The following LINGO2 variants were observed in gnomAD, a reference collection of about 807,000 sequenced individuals.
LINGO2 encodes leucine-rich repeat and immunoglobulin-like domain-containing nogo receptor-interacting protein 2.
Under a neutral mutation model 30.6 loss-of-function variants are expected in LINGO2, and 14 were observed. The ratio of observed to expected loss-of-function variants is 0.46; its 90% CI spans 0.30 to 0.72. The LOEUF (loss-of-function observed/expected upper bound fraction) is 0.72, where lower values mean the gene tolerates loss of function less well. Ranked by LOEUF, LINGO2 falls within the 30% of genes least tolerant of loss-of-function variation. LINGO2 has a pLI of 0.07. For synonymous variants in LINGO2, 317 were observed against 288.5 expected, an observed-to-expected ratio of 1.10 and a Z score of -1.00; for missense variants, 729 against 751.7, an observed-to-expected ratio of 0.97 and a Z score of 0.35.
intron 1 of LINGO2, among the ~76,000 whole-genome samples, chr9:28,631,164 TA>T (rs1341622778): frequency 6.6e-5 from 10 of 152,086 alleles, no homozygotes; most frequent in Admixed American, 2.0e-4. Context: ...TTTATTTATT[TA>T]TTTTTTTATT....
intron 4 of LINGO2, among the ~76,000 whole-genome samples, chr9:28,101,977 T>C (rs1400070087): frequency 1.3e-5 from 2 of 152,132 alleles, no homozygotes; most frequent in African/African-American, 4.8e-5. Context: ...TGCCATAGAC[T>C]GGTGTGACAA....
At chr9:28,756,664 T>C in the LINGO2 span, among the ~76,000 whole-genome samples, 2 of 152,046 alleles carry the variant, frequency 1.3e-5, no homozygotes, top group South Asian at 4.1e-4. Flanking sequence ...ATAGGGTTGG[T>C]TTCCCCCATG....
At chr9:29,182,356 T>C in the LINGO2 span, among the ~76,000 whole-genome samples, 1 of 151,976 alleles carries the variant, frequency 6.6e-6, no homozygotes, top group Admixed American at 6.6e-5. Context: ...AAGTGTTAGG[T>C]ATGGTAAGAT....
intron 2 of LINGO2, among the ~76,000 whole-genome samples, chr9:28,433,966 T>TATATATACAC (rs752778212): frequency 1.2e-3 from 116 of 99,958 alleles, no homozygotes; most frequent in Non-Finnish European, 2.2e-3. Context: ...TATATATATA[T>TATATATACAC]ACACACACAC....
chr9:28,530,059 G>T (rs968116348), intron 1 of LINGO2, among the ~76,000 whole-genome samples: 24 of 151,868 alleles, frequency 1.6e-4, no homozygotes, highest in African/African-American at 4.1e-4. Context: ...TGAGCTTTTT[G>T]GGGGGAGTGA....
At chr9:28,326,885 T>C (rs1237986098) in intron 3 of LINGO2, among the ~76,000 whole-genome samples, 1 of 152,120 alleles carries the variant, frequency 6.6e-6, no homozygotes, top group Non-Finnish European at 1.5e-5. Flanking sequence ...ATACCATTAC[T>C]GAGAAAAGCA....
In LINGO2 at chr9:28,207,613, T is replaced by A. The variant is rs967143540; in HGVS notation, c.-87+87595A>T. Among the ~76,000 whole-genome samples the A allele has an allele frequency of 3.3e-5, 5 of 152,224 alleles. No homozygotes were observed. The South Asian group carries it at 1.0e-3, about 32-fold the overall frequency. The stretch of plus-strand genomic sequence containing the variant: ...ATGTTCCCCTCCATTCTAAATAATC[T>A]TTCTCTTTCTTCATCCTCACCCTGA... On this transcript the variant is annotated intron_variant, in intron 4 of 5. Coordinates refer to ENST00000379992, the Ensembl canonical transcript of LINGO2.
At chr9:28,853,274 T>A in the LINGO2 span, among the ~76,000 whole-genome samples, 1 of 152,048 alleles carries the variant, frequency 6.6e-6, no homozygotes, top group Admixed American at 6.6e-5. Context: ...TTATTAGTCA[T>A]GCACATATGC....
the LINGO2 span, among the ~76,000 whole-genome samples, chr9:28,710,409 T>C: frequency 1.3e-5 from 2 of 152,106 alleles, no homozygotes; most frequent in Admixed American, 1.3e-4. Context: ...TGACATCTTA[T>C]AATTGAGGTT....
intron 5 of LINGO2, among the ~76,000 whole-genome samples, chr9:28,010,218 A>T (rs1006510873): frequency 1.5e-4 from 23 of 152,248 alleles, no homozygotes; most frequent in African/African-American, 5.5e-4. Context: ...AAAACCACTG[A>T]ATTGTATACC....
At chr9:29,055,949 C>CACATATATGTAT in the LINGO2 span, among the ~76,000 whole-genome samples, 1 of 123,140 alleles carries the variant, frequency 8.1e-6, no homozygotes, top group African/African-American at 3.1e-5. Context: ...TGTATATATA[C>CACATATATGTAT]ATATATATGT....
chr9:29,028,856 A>T, the LINGO2 span, among the ~76,000 whole-genome samples: 7 of 152,188 alleles, frequency 4.6e-5, no homozygotes, highest in African/African-American at 7.2e-5. Context: ...GCCAGCTCAG[A>T]TTAGCCAAGC....
intron 2 of LINGO2, among the ~76,000 whole-genome samples, chr9:28,428,544 C>T (rs1196721319): frequency 6.6e-6 from 1 of 152,052 alleles, no homozygotes; most frequent in Non-Finnish European, 1.5e-5. Flanking sequence ...ACAACCAGAC[C>T]TTAACAACTG....
At chr9:29,004,321 T>A in the LINGO2 span, among the ~76,000 whole-genome samples, 3 of 152,092 alleles carry the variant, frequency 2.0e-5, no homozygotes, top group South Asian at 4.1e-4. Context: ...TTTATTTGTA[T>A]ACGTATCAAA....
At position 28,309,063 on chromosome 9, in the gene LINGO2, C is replaced by G. The variant is rs551722024; in HGVS notation, c.-245-13697G>C. 2.6e-5 allele frequency among the ~76,000 whole-genome samples: 4 copies of G among 152,166 alleles called. No homozygotes were observed. In the South Asian group the frequency reaches 8.3e-4, roughly 32 times the overall value. On this transcript the variant is annotated intron_variant, in intron 3 of 5. Transcript: ENST00000379992. ...TCTAGAACTAGAAATACCATTTGACCCAGCCATCCCATTACTGGGTATATA... is the reference window on the plus strand; with the variant it reads ...TCTAGAACTAGAAATACCATTTGACGCAGCCATCCCATTACTGGGTATATA...
chr9:28,530,300 C>G (rs1466092462), intron 1 of LINGO2, among the ~76,000 whole-genome samples: 1 of 152,070 alleles, frequency 6.6e-6, no homozygotes, highest in East Asian at 1.9e-4. Context: ...TCACCATGTG[C>G]CATCTGCCAT....
chr9:28,717,967 C>G, the LINGO2 span, among the ~76,000 whole-genome samples: 8 of 151,892 alleles, frequency 5.3e-5, no homozygotes, highest in African/African-American at 1.9e-4. Context: ...AGACAAGAAG[C>G]CAGCGATACA....
the LINGO2 span, among the ~76,000 whole-genome samples, chr9:28,824,435 A>G: frequency 1.3e-5 from 2 of 152,148 alleles, no homozygotes; most frequent in African/African-American, 4.8e-5. Context: ...GACAAGGAAG[A>G]GCTATCCTGA....
At position 28,259,261 on chromosome 9, in the gene LINGO2, A is replaced by G. The variant is rs189022826; in HGVS notation, c.-87+35947T>C. 9.7e-4 allele frequency among the ~76,000 whole-genome samples: 147 copies of G among 152,154 alleles called. 1 individual carries two copies. The highest frequency in any genetic ancestry group is 5.6e-3 in the Admixed American group (85 of 15,254). On this transcript the variant is annotated intron_variant, in intron 4 of 5. Coordinates refer to ENST00000379992, the Ensembl canonical transcript of LINGO2. ...AGGTGCCTAAATTTAGGACTTACCC[A>G]GGGATAAAATAAGAATTAACCTGCT...
Sources: gnomAD v4.1 joint callset for allele counts (sites outside exome capture counted in the v4.1 genomes callset) on GRCh38, gnomAD v4.1.1 for gene constraint, MANE v1.5 for transcripts, NCBI Gene and HGNC (gene_info 2026-07-23, HGNC 2026-07-21) for gene names.